The following CHD2 variants were observed in gnomAD, a reference collection of about 807,000 sequenced individuals.
CHD2 encodes the protein chromodomain helicase DNA binding protein 2, also known as ATP-dependent chromatin remodeler CHD2.
Under a neutral mutation model 243.9 loss-of-function variants are expected in CHD2, and 28 were observed. The observed-to-expected ratio is 0.11, with a 90% confidence interval of 0.09 to 0.16. CHD2 has a LOEUF of 0.16. Ranked by LOEUF, CHD2 falls within the 10% of genes least tolerant of loss-of-function variation. The probability of loss-of-function intolerance (pLI) is 1.00; values close to 1 mark genes in which losing one functional copy is unlikely to be tolerated. For missense variants in CHD2, 1,386 were observed against 2,209.8 expected, an observed-to-expected ratio of 0.63 and a Z score of 7.47; for synonymous variants, 775 against 779.0, an observed-to-expected ratio of 0.99 and a Z score of 0.09.
At chr15:92,940,491 C>A (rs1447074526) in intron 7 of CHD2, among the ~76,000 whole-genome samples, 1 of 151,710 alleles carries the variant, frequency 6.6e-6, no homozygotes, top group Non-Finnish European at 1.5e-5. Context: ...TATATGCAAA[C>A]ACTAGTAGTT....
chr15:92,954,236 T>C (rs952405545), intron 14 of CHD2: 11 of 152,398 alleles, frequency 7.2e-5, no homozygotes, highest in Admixed American at 2.0e-4. Context: ...TCTTCAAAGC[T>C]GATGGCATTC....
At chr15:92,928,859 C>T (rs2141755048) in intron 4 of CHD2, among the ~76,000 whole-genome samples, 171 bp from the exon 5 acceptor site, 1 of 152,288 alleles carries the variant, frequency 6.6e-6, no homozygotes, top group Non-Finnish European at 1.5e-5. Context: ...TATTAATTTT[C>T]AAATCAAAAG....
intron 2 of CHD2, among the ~76,000 whole-genome samples, chr15:92,908,003 ATTT>A (rs71877681): frequency 2.9e-4 from 31 of 107,608 alleles, no homozygotes; most frequent in African/African-American, 1.1e-3. Context: ...CTCTCTTAGA[ATTT>A]TTTTTTTTTT....
intron 5 of CHD2, among the ~76,000 whole-genome samples, chr15:92,934,647 G>T (rs1225457554): frequency 6.6e-6 from 1 of 152,180 alleles, no homozygotes; most frequent in Non-Finnish European, 1.5e-5. Flanking sequence ...CATCTGTAGG[G>T]TTGGGAAGTA....
chr15:93,010,006 G>A (rs2054370288), intron 35 of CHD2, among the ~76,000 whole-genome samples: 1 of 152,154 alleles, frequency 6.6e-6, no homozygotes, highest in South Asian at 2.1e-4. Flanking sequence ...TGCACCCAGT[G>A]TGTCATCTTC....
At chr15:92,971,080 C>T (rs948981856) in intron 17 of CHD2, among the ~76,000 whole-genome samples, 2 of 152,058 alleles carry the variant, frequency 1.3e-5, no homozygotes, top group Non-Finnish European at 2.9e-5. Context: ...ATTTATTTAA[C>T]CTCATAATGT....
At chr15:92,970,358 C>T (rs1049088772) in intron 17 of CHD2, among the ~76,000 whole-genome samples, 7 of 152,048 alleles carry the variant, frequency 4.6e-5, no homozygotes, top group South Asian at 2.1e-4. Context: ...TGCACCAGTA[C>T]GCCCAGCTAA....
At chr15:92,902,177 C>T (rs921241568) in intron 2 of CHD2, 26 of 397,778 alleles carry the variant, frequency 6.5e-5, no homozygotes, top group African/African-American at 5.1e-4. Context: ...TCGACAGAGT[C>T]GTCTGGAATG....
chr15:92,907,733 C>G (rs1295045339), intron 2 of CHD2, among the ~76,000 whole-genome samples: 8 of 152,030 alleles, frequency 5.3e-5, no homozygotes, highest in Non-Finnish European at 1.2e-4. Flanking sequence ...AGCAAAGAGC[C>G]CATCACATTA....
chr15:92,965,585 A>AC (rs1340344473), intron 16 of CHD2, among the ~76,000 whole-genome samples: 1 of 106,342 alleles, frequency 9.4e-6, no homozygotes, highest in Non-Finnish European at 2.2e-5. Flanking sequence ...AAAAAAAAAA[A>AC]AAAAAAAAAA....
rs1229609376 is a variant in CHD2 at position 92,992,889 on chromosome 15, G to C, written c.3486G>C (p.Leu1162=). The change falls in exon 28 of 39, where the codon CTG becomes CTC. Residue 1162 remains leucine (L), a synonymous_variant. Coordinates refer to ENST00000394196, the MANE Select transcript of CHD2 (RefSeq NM_001271.4). ...RLECIARDAE[L]VDKSVADLKR... Reference sequence around the variant, plus strand: ...AGTGCATAGCACGTGATGCTGAGCTGGTAGATAAGTCGGTGGCAGATCTGA... The same window carrying C: ...AGTGCATAGCACGTGATGCTGAGCTCGTAGATAAGTCGGTGGCAGATCTGA... 8.7e-6 allele frequency: 14 copies of C among 1,613,962 alleles called. No individual in the cohort carries two copies. The highest frequency in any genetic ancestry group is 1.1e-5 in the Non-Finnish European group (13 of 1,180,038).
At chr15:92,940,287 C>T (rs1024928826) in intron 7 of CHD2, among the ~76,000 whole-genome samples, 3 of 152,038 alleles carry the variant, frequency 2.0e-5, no homozygotes, top group African/African-American at 7.3e-5. Context: ...GACCCTGTCT[C>T]TACAAAAAAT....
At chr15:93,008,063 G>A (rs78161246) in intron 34 of CHD2, among the ~76,000 whole-genome samples, 4 of 152,314 alleles carry the variant, frequency 2.6e-5, no homozygotes, top group South Asian at 4.1e-4. Flanking sequence ...ATTATAGGAT[G>A]ATGTAGCAGA....
intron 26 of CHD2, among the ~76,000 whole-genome samples, chr15:92,991,030 C>T (rs1211869743): frequency 6.6e-6 from 1 of 152,114 alleles, no homozygotes; most frequent in Non-Finnish European, 1.5e-5. Context: ...GCTGAAAAAT[C>T]ATTGGTTTTC....
chr15:93,013,049 A>G (rs1350583630), intron 36 of CHD2, among the ~76,000 whole-genome samples: 4 of 152,224 alleles, frequency 2.6e-5, no homozygotes, highest in Admixed American at 6.5e-5. Context: ...CTAATGCGTC[A>G]GCTCCATGAA....
rs1248063644 is a variant in CHD2 at position 93,015,011 on chromosome 15, T to C, written c.4906+102T>C. ...CACTGGCTAGACTTCTGTGCTTTAT[T>C]ATCTTCTAACACTTTATTGTCCTCT... is the stretch of plus-strand genomic sequence containing the variant. On this transcript the variant is annotated intron_variant, in intron 37 of 38. Coordinates refer to ENST00000394196, the MANE Select transcript of CHD2 (RefSeq NM_001271.4). The C allele has an allele frequency of 4.5e-6, 4 of 880,226 alleles. No homozygotes were observed. In the Admixed American group the frequency reaches 6.5e-5, roughly 14 times the overall value. 54.5% of individuals were successfully genotyped at this position (880,226 alleles called of 1,614,324 possible).
intron 38 of CHD2, chr15:93,022,244 G>A (rs2054542770): frequency 6.6e-6 from 1 of 152,250 alleles, no homozygotes; most frequent in Admixed American, 6.5e-5. Flanking sequence ...TTTACTCATG[G>A]TGGAAGGTGA....
At chr15:93,006,442 C>T (rs774547576) in intron 34 of CHD2, among the ~76,000 whole-genome samples, 4 of 152,046 alleles carry the variant, frequency 2.6e-5, no homozygotes, top group South Asian at 2.1e-4. Context: ...TCTCTCTTAC[C>T]TCCCAGACGT....
At chr15:92,903,139 CAT>C (rs947235826) in intron 2 of CHD2, among the ~76,000 whole-genome samples, 2 of 152,170 alleles carry the variant, frequency 1.3e-5, no homozygotes, top group East Asian at 1.9e-4. Flanking sequence ...CCCTAAATTT[CAT>C]ATCTTAATAC....
Sources: allele counts gnomAD v4.1 joint callset (sites outside exome capture counted in the v4.1 genomes callset), GRCh38; gene constraint gnomAD v4.1.1; transcripts MANE v1.5; gene names NCBI Gene and HGNC (gene_info 2026-07-23, HGNC 2026-07-21).